TYMS: variants seen among roughly 807,000 people sequenced by gnomAD.
The protein encoded by TYMS is thymidylate synthase.
In TYMS, 21 loss-of-function variants were observed where a neutral mutation model predicts 39.3. That is an observed-to-expected ratio of 0.54 (90% CI 0.38 to 0.77). The LOEUF (loss-of-function observed/expected upper bound fraction) is 0.77. Ranked by LOEUF, TYMS falls within the 30% of genes least tolerant of loss-of-function variation. TYMS has a pLI of 0.00. For missense variants in TYMS, 273 were observed against 406.7 expected (o/e 0.67, Z 2.83); for synonymous variants, 171 against 162.2 (o/e 1.05, Z -0.41).
At chr18:667,552 GA>G (rs1378901671) in intron 3 of TYMS, among the ~76,000 whole-genome samples, 1 of 91,008 alleles carries the variant, frequency 1.1e-5, no homozygotes, top group African/African-American at 7.2e-5. Flanking sequence ...GATGGTGATG[GA>G]GATGGTGATG....
intron 6 of TYMS, chr18:672,334 C>T (rs2075101367): frequency 6.6e-6 from 1 of 152,266 alleles, no homozygotes; most frequent in African/African-American, 2.4e-5. Flanking sequence ...TGACTTCAGG[C>T]TTATTCTCTC....
At chr18:663,210 A>G (rs1195587228) in intron 3 of TYMS, among the ~76,000 whole-genome samples, 2 of 95,296 alleles carry the variant, frequency 2.1e-5, no homozygotes, top group Non-Finnish European at 3.9e-5. Flanking sequence ...TTGCCATTCT[A>G]ACTGGTGTGA....
At position 662,065 on chromosome 18, in the gene TYMS, G is replaced by A. The variant is rs2074761597; in HGVS notation, c.280-81G>A. The stretch of plus-strand genomic sequence containing the variant: ...AAGTCAGCAGGGGCCAGAGGCCCTT[G>A]TAAGTGGTGTCTCGGGGGGATCAAC... On this transcript the variant is annotated intron_variant, in intron 2 of 6. Transcript: ENST00000323274. 1.2e-5 allele frequency: 18 copies of A among 1,444,584 alleles called. No homozygotes were observed. In the South Asian group the frequency reaches 2.4e-4, roughly 19 times the overall value. 89.5% of individuals were successfully genotyped at this position (1,444,584 alleles called of 1,614,324 possible). A position where few individuals can be genotyped will look rare whatever the true frequency, so the allele number is the denominator to read the frequency against.
intron 6 of TYMS, 168 bp from the exon 7 acceptor site, chr18:672,692 T>C (rs2075120619): frequency 3.2e-6 from 2 of 617,536 alleles, no homozygotes; most frequent in Non-Finnish European, 2.6e-6. Context: ...GAACAGCTGG[T>C]TGCGCTCCAA....
chr18:663,134 A>G (rs1157177196), intron 3 of TYMS, among the ~76,000 whole-genome samples: 1 of 96,232 alleles, frequency 1.0e-5, no homozygotes, highest in Admixed American at 8.7e-5. Flanking sequence ...TCCCACCAAC[A>G]GTATAAAAGT....
In TYMS at chr18:671,470, A is replaced by C; in HGVS notation, c.804+19A>C. On this transcript the variant is annotated intron_variant, in intron 6 of 6. Coordinates refer to ENST00000323274, the MANE Select transcript of TYMS (RefSeq NM_001071.4). ...AATTCAGGTAAGAATTAGATGTTAT[A>C]CTTTTGGGTTTGGTACCTTCTCTTG... 1 of 1,567,676 alleles carries C rather than the reference A, an allele frequency of 6.4e-7. No homozygotes were observed. Among genetic ancestry groups the C allele is most frequent in the African/African-American group, 1.4e-5 (1 of 74,006 alleles).
rs2074731074 is a variant in TYMS at position 659,275 on chromosome 18, T to G, written c.206-366T>G. ...TCGACACTTCTGATGCCTCCCTTTTTGTTCCTGGGACACATGCTTGGTGTT... is the reference window on the plus strand; with the variant it reads ...TCGACACTTCTGATGCCTCCCTTTTGGTTCCTGGGACACATGCTTGGTGTT... On this transcript the variant is annotated intron_variant, in intron 1 of 6. Coordinates refer to ENST00000323274, the MANE Select transcript of TYMS (RefSeq NM_001071.4). Among the ~76,000 whole-genome samples, 3 of 152,222 alleles carry G rather than the reference T, an allele frequency of 2.0e-5. No individual in the cohort carries two copies. In the South Asian group the frequency reaches 6.2e-4, roughly 32 times the overall value.
chr18:668,174 G>GTA (rs1399731742), intron 3 of TYMS, among the ~76,000 whole-genome samples: 2 of 151,870 alleles, frequency 1.3e-5, no homozygotes, highest in Admixed American at 6.6e-5. Flanking sequence ...TTTAGCACGT[G>GTA]TAGACTCTTG....
intron 4 of TYMS, 192 bp downstream of exon 4, chr18:669,365 G>GGT: frequency 5.9e-6 from 2 of 340,450 alleles, no homozygotes; most frequent in Non-Finnish European, 1.1e-5. Flanking sequence ...GGGCCCAGAG[G>GGT]ATTTTTTTTT....
In TYMS at chr18:671,372, G is replaced by GT; in HGVS notation, c.733-5dup. 12 of 1,597,124 alleles carry GT rather than the reference G, an allele frequency of 7.5e-6. No individual in the cohort carries two copies. Among genetic ancestry groups the GT allele is most frequent in the Non-Finnish European group, 1.0e-5 (12 of 1,164,578 alleles). On this transcript the variant is annotated splice_region_variant and splice_polypyrimidine_tract_variant and intron_variant, in intron 5 of 6. Transcript: ENST00000323274. Reference sequence around the variant, plus strand: ...CATACTGTTCTGCTTTCTCCCCCGGGTTTATAGCCAGGTGACTTTATACAC... The same window carrying GT: ...CATACTGTTCTGCTTTCTCCCCCGGGTTTTATAGCCAGGTGACTTTATACAC...
intron 5 of TYMS, 191 bp downstream of exon 5, chr18:671,058 G>A (rs1476150699): frequency 9.2e-6 from 6 of 653,352 alleles, no homozygotes; most frequent in Non-Finnish European, 1.0e-5. Flanking sequence ...TGTGGTATAC[G>A]CACTAACAGA....
Position 667,346 on chromosome 18 carries a change from AGATGGT to A in TYMS, c.455-1714_455-1709del, listed in dbSNP as rs1275104027. Among the ~76,000 whole-genome samples the A allele has an allele frequency of 1.0e-3, 9 of 8,606 alleles. 1 individual carries two copies. Among genetic ancestry groups the A allele is most frequent in the Non-Finnish European group, 1.9e-3 (9 of 4,708 alleles). 5.6% of individuals were successfully genotyped at this position (8,606 alleles called of 152,430 possible). A position where few individuals can be genotyped will look rare whatever the true frequency, so the allele number is the denominator to read the frequency against. On this transcript the variant is annotated intron_variant, in intron 3 of 6. Transcript: ENST00000323274. Reference sequence around the variant, plus strand: ...GTGATGGTGATGGAGATGGTGATGGAGATGGTGATGGTGATGGAGATGGTGATGGTG... The same window carrying A: ...GTGATGGTGATGGAGATGGTGATGGAGATGGTGATGGAGATGGTGATGGTG...
At position 672,956 on chromosome 18, in the gene TYMS, T is replaced by A; in HGVS notation, c.901T>A (p.Tyr301Asn). ...FKAEDFQIEG[Y>N]NPHPTIKMEM... ...AGCTGAAGACTTTCAGATTGAAGGG[T>A]ACAATCCGCATCCAACTATTAAAAT... Residue 301 changes from tyrosine to asparagine, a missense_variant, in exon 7 of 7, where the codon TAC becomes AAC. Transcript: ENST00000323274. 2 of 1,589,556 alleles carry A rather than the reference T, an allele frequency of 1.3e-6. No homozygotes were observed. Among genetic ancestry groups the A allele is most frequent in the Non-Finnish European group, 1.7e-6 (2 of 1,161,380 alleles).
In TYMS at chr18:671,463, A is replaced by G. The variant is rs200542124; in HGVS notation, c.804+12A>G. On this transcript the variant is annotated intron_variant, in intron 6 of 6. Coordinates refer to ENST00000323274, the MANE Select transcript of TYMS (RefSeq NM_001071.4). Reference sequence around the variant, plus strand: ...CACTGAAAATTCAGGTAAGAATTAGATGTTATACTTTTGGGTTTGGTACCT... The same window carrying G: ...CACTGAAAATTCAGGTAAGAATTAGGTGTTATACTTTTGGGTTTGGTACCT... 9 of 1,588,834 alleles carry G rather than the reference A, an allele frequency of 5.7e-6. No individual in the cohort carries two copies. The Admixed American group carries it at 1.3e-4, about 24-fold the overall frequency.
intron 3 of TYMS, among the ~76,000 whole-genome samples, chr18:667,282 ATGGT>A (rs1409854862): frequency 1.7e-4 from 4 of 23,496 alleles, no homozygotes; most frequent in African/African-American, 6.8e-4. Flanking sequence ...TGGTGATGGG[ATGGT>A]GATGGAGATG....
chr18:664,086 G>C (rs1244543849), intron 3 of TYMS, among the ~76,000 whole-genome samples: 4 of 146,610 alleles, frequency 2.7e-5, no homozygotes, highest in South Asian at 2.2e-4. Context: ...GGATGGCATT[G>C]AATCTATAAA....
intron 3 of TYMS, among the ~76,000 whole-genome samples, chr18:662,676 C>A (rs1175399657): frequency 6.6e-6 from 1 of 151,780 alleles, no homozygotes; most frequent in Admixed American, 6.6e-5. Flanking sequence ...CCTCCCACCC[C>A]ACAACAGTCC....
rs60409589 is a variant in TYMS, at chr18:667,992, A to ATTTTTTTTTTTTTTTTTTTTTTT, written c.455-1061_455-1060insTTTTTTTTTTTTTTTTTTTTTTT. Reference sequence around the variant, plus strand: ...AATTTTGTTTTACAGATTCACAGGAATTTTTTTTTTTTTTTTTTTAATGCA... The same window carrying ATTTTTTTTTTTTTTTTTTTTTTT: ...AATTTTGTTTTACAGATTCACAGGAATTTTTTTTTTTTTTTTTTTTTTTTTTTTTTTTTTTTTTTTTTAATGCA... On this transcript the variant is annotated intron_variant, in intron 3 of 6. Transcript: ENST00000323274. Among the ~76,000 whole-genome samples, 3 of 105,384 alleles carry ATTTTTTTTTTTTTTTTTTTTTTT rather than the reference A, an allele frequency of 2.8e-5. 1 individual carries two copies. The highest frequency in any genetic ancestry group is 1.4e-4 in the African/African-American group (3 of 21,840). The allele number at this position is 105,384 out of a possible 152,430, so 69.1% of individuals were successfully genotyped here.
Position 666,963 on chromosome 18 carries a change from A to C in TYMS, c.455-2109A>C, listed in dbSNP as rs62090123. Among the ~76,000 whole-genome samples, 81 of 15,912 alleles carry C rather than the reference A, an allele frequency of 5.1e-3. 14 individuals are homozygous for C. The highest frequency in any genetic ancestry group is 0.028 in the African/African-American group (75 of 2,634). 10.4% of individuals were successfully genotyped at this position (15,912 alleles called of 152,430 possible). On this transcript the variant is annotated intron_variant, in intron 3 of 6. Coordinates refer to ENST00000323274, the MANE Select transcript of TYMS (RefSeq NM_001071.4). ...GAGATGGTGATGGTGATGGAGATGG[A>C]GATGGTGATGGAGATGGAGATGGTG...
Sources: gnomAD v4.1 joint callset for allele counts (sites outside exome capture counted in the v4.1 genomes callset) on GRCh38, gnomAD v4.1.1 for gene constraint, MANE v1.5 for transcripts, NCBI Gene and HGNC (gene_info 2026-07-23, HGNC 2026-07-21) for gene names.